The following GPR89B variants were observed in gnomAD, a reference collection of about 807,000 sequenced individuals.
The protein encoded by GPR89B is G protein-coupled receptor 89B.
A neutral mutation model predicts 52.4 loss-of-function variants in GPR89B; 25 were observed. The observed-to-expected ratio is 0.48, with a 90% confidence interval of 0.35 to 0.67. The LOEUF (loss-of-function observed/expected upper bound fraction) is 0.67, where lower values mean the gene tolerates loss of function less well. GPR89B is among the 30% of genes least tolerant of loss of function. The probability of loss-of-function intolerance (pLI) is 0.01; values close to 1 mark genes in which losing one functional copy is unlikely to be tolerated. For synonymous variants in GPR89B, 52 were observed against 151.2 expected (o/e 0.34, Z 4.81); for missense variants, 146 against 450.2 (o/e 0.32, Z 6.11).
At chr1:147,977,806 A>G (rs1469263156) in intron 10 of GPR89B, among the ~76,000 whole-genome samples, 3 of 147,304 alleles carry the variant, frequency 2.0e-5, no homozygotes, top group African/African-American at 5.1e-5. Flanking sequence ...TTGCATTGTG[A>G]ATTTCACATT....
chr1:147,949,370 G>C (rs1344718862), intron 5 of GPR89B, among the ~76,000 whole-genome samples: 1 of 144,398 alleles, frequency 6.9e-6, no homozygotes, highest in Non-Finnish European at 1.5e-5. Context: ...CCCAGACCGG[G>C]TGGCTGGCTG....
chr1:147,984,486 CA>C (rs1658522732), intron 10 of GPR89B, among the ~76,000 whole-genome samples: 1 of 143,374 alleles, frequency 7.0e-6, no homozygotes, highest in Non-Finnish European at 1.5e-5. Context: ...TTCAAAGAAC[CA>C]ACTTTTGGGT....
At chr1:147,962,435 A>AG (rs1553252355) in intron 7 of GPR89B, among the ~76,000 whole-genome samples, 11 of 151,254 alleles carry the variant, frequency 7.3e-5, no homozygotes, top group South Asian at 2.1e-4. Flanking sequence ...AAAAAAAAAA[A>AG]AAAAGAAAAG....
At chr1:147,939,842 TAAAAA>T (rs1287718311) in intron 3 of GPR89B, among the ~76,000 whole-genome samples, 1 of 149,882 alleles carries the variant, frequency 6.7e-6, no homozygotes, top group African/African-American at 2.5e-5. Flanking sequence ...TACAAAAAAA[TAAAAA>T]AAATCAGCAG....
chr1:147,984,306 A>G (rs1382797953), intron 10 of GPR89B, among the ~76,000 whole-genome samples: 9 of 151,530 alleles, frequency 5.9e-5, no homozygotes, highest in East Asian at 5.8e-4. Context: ...GTGCACATGT[A>G]CCCTAAAACT....
the GPR89B span, among the ~76,000 whole-genome samples, chr1:148,016,904 T>G: frequency 4.6e-5 from 7 of 151,790 alleles, no homozygotes; most frequent in East Asian, 1.4e-3. Context: ...CAATTATTCA[T>G]GGTTCCATAT....
chr1:147,947,847 GTCT>G (rs1435917084), intron 5 of GPR89B, among the ~76,000 whole-genome samples: 2 of 151,568 alleles, frequency 1.3e-5, no homozygotes, highest in South Asian at 2.1e-4. Context: ...AAGAAATGAT[GTCT>G]TCTTGTAAAG....
intron 5 of GPR89B, among the ~76,000 whole-genome samples, chr1:147,945,370 T>C (rs1553249613): frequency 6.6e-6 from 1 of 150,910 alleles, no homozygotes; most frequent in Non-Finnish European, 1.5e-5. Context: ...TTGGAATTAA[T>C]GTTGAATGAG....
At chr1:147,971,141 G>C (rs1178909590) in intron 10 of GPR89B, among the ~76,000 whole-genome samples, 172 of 145,616 alleles carry the variant, frequency 1.2e-3, no homozygotes, top group African/African-American at 4.1e-3. Context: ...AAGATGCAGC[G>C]TTTAGGGAAG....
chr1:147,935,469 A>G (rs1553247712), intron 1 of GPR89B, among the ~76,000 whole-genome samples: 3 of 152,194 alleles, frequency 2.0e-5, no homozygotes, highest in African/African-American at 4.8e-5. Context: ...ATGTATAGAA[A>G]GTTCTGTTTA....
the GPR89B span, among the ~76,000 whole-genome samples, chr1:148,016,249 G>T: frequency 1.3e-5 from 1 of 74,576 alleles, no homozygotes; most frequent in Non-Finnish European, 2.6e-5. Context: ...AGTGAATTCG[G>T]TCAGCTTATG....
chr1:147,989,039 G>A (rs1658868230), intron 12 of GPR89B, among the ~76,000 whole-genome samples: 1 of 143,070 alleles, frequency 7.0e-6, no homozygotes, highest in Non-Finnish European at 1.5e-5. Flanking sequence ...TTATAGATAA[G>A]TACATTCACT....
chr1:148,017,746 T>TAAATAAATA, the GPR89B span, among the ~76,000 whole-genome samples: 1 of 143,354 alleles, frequency 7.0e-6, no homozygotes, highest in African/African-American at 2.7e-5. Flanking sequence ...TCAAAATAAA[T>TAAATAAATA]AAATAAAATA....
chr1:147,969,192 A>C, intron 9 of GPR89B: 2 of 482,162 alleles, frequency 4.1e-6, no homozygotes, highest in South Asian at 5.4e-5. Flanking sequence ...TGGGATAGTC[A>C]GAAGAGGCTT....
chr1:148,000,613 T>TC, the GPR89B span, among the ~76,000 whole-genome samples: 19 of 148,864 alleles, frequency 1.3e-4, no homozygotes, highest in African/African-American at 4.7e-4. Context: ...CCCATCATAT[T>TC]CCCCCCTCTG....
chr1:147,934,836 A>G (rs1397589400), intron 1 of GPR89B, among the ~76,000 whole-genome samples: 2 of 152,164 alleles, frequency 1.3e-5, no homozygotes, highest in Non-Finnish European at 2.9e-5. Context: ...TATCCTCAGC[A>G]CTTAGCATAG....
chr1:147,958,959 T>G (rs1463895833), intron 7 of GPR89B, among the ~76,000 whole-genome samples: 3 of 152,172 alleles, frequency 2.0e-5, no homozygotes, highest in African/African-American at 7.2e-5. Flanking sequence ...GCCCTTGCCA[T>G]TTACCACAAT....
At chr1:148,002,323 T>A in the GPR89B span, among the ~76,000 whole-genome samples, 4 of 151,928 alleles carry the variant, frequency 2.6e-5, no homozygotes, top group Non-Finnish European at 1.5e-5. Flanking sequence ...ACATCCCACT[T>A]CTTCTACCCT....
At chr1:148,020,151 C>T in the GPR89B span, among the ~76,000 whole-genome samples, 7 of 143,816 alleles carry the variant, frequency 4.9e-5, no homozygotes, top group African/African-American at 1.9e-4. Context: ...CATCAACAAG[C>T]GAGGCAAGAA....
Sources: allele counts gnomAD v4.1 joint callset (sites outside exome capture counted in the v4.1 genomes callset), GRCh38; gene constraint gnomAD v4.1.1; transcripts MANE v1.5; gene names NCBI Gene and HGNC (gene_info 2026-07-23, HGNC 2026-07-21).